The following PTAR1 variants were observed in gnomAD, a reference collection of about 807,000 sequenced individuals.
The protein encoded by PTAR1 is protein prenyltransferase alpha subunit repeat containing 1, also known as protein prenyltransferase alpha subunit repeat-containing protein 1.
A neutral mutation model predicts 45.5 loss-of-function variants in PTAR1; 17 were observed. The observed-to-expected ratio is 0.37, with a 90% CI of 0.26 to 0.56. The LOEUF is 0.56. Ranked by LOEUF, PTAR1 falls within the 20% of genes least tolerant of loss-of-function variation. PTAR1 has a pLI of 0.77. For missense variants in PTAR1, 391 were observed against 476.3 expected, an observed-to-expected ratio of 0.82 and a Z score of 1.67; for synonymous variants, 169 against 171.3, an observed-to-expected ratio of 0.99 and a Z score of 0.11.
chr9:69,732,197 T>C lies in PTAR1; in HGVS notation c.584A>G (p.Tyr195Cys), dbSNP rs1000736795. Residue 195 changes from tyrosine (Y) to cysteine (C), a missense_variant, in exon 5 of 8, where the codon TAT (tyrosine) becomes TGT (cysteine). By Grantham distance (194) the Tyr-to-Cys change is radical (BLOSUM62 -2). Transcript: ENST00000340434. ...GEAAGRYPSN[Y>C]NAWSHRIWVL... ...CCAGATGCGATGGGACCAAGCATTA[T>C]AGTTGCTTGGGTATCTCCCTGCTGC... 1.2e-6 allele frequency: 2 copies of C among 1,613,790 alleles called. No homozygotes were observed. Among genetic ancestry groups the C allele is most frequent in the South Asian group, 1.1e-5 (1 of 91,070 alleles).
intron 1 of PTAR1, among the ~76,000 whole-genome samples, chr9:69,752,128 T>C (rs1311865640): frequency 6.6e-6 from 1 of 152,098 alleles, no homozygotes; most frequent in Non-Finnish European, 1.5e-5. Flanking sequence ...TATAGATATT[T>C]TAAACATGTC....
At chr9:69,731,898 G>A (rs189360174) in intron 5 of PTAR1, 251 of 528,162 alleles carry the variant, frequency 4.8e-4, no homozygotes, top group Non-Finnish European at 7.2e-4. Context: ...TCCTCAGTTG[G>A]TTAAACCTGC....
rs1444121605 is a variant in PTAR1, at chr9:69,750,959, G to A, written c.87-9C>T. ...TCAGGCCAATTTCATCTCTTAATAT[G>A]TAAAACATAAAAAAGAATTAAAAAT... On this transcript the variant is annotated splice_polypyrimidine_tract_variant and intron_variant, in intron 1 of 7. Transcript: ENST00000340434. 1 of 1,523,218 alleles carries A rather than the reference G, an allele frequency of 6.6e-7. No homozygotes were observed. 94.4% of individuals were successfully genotyped at this position (1,523,218 alleles called of 1,614,324 possible). A position where few individuals can be genotyped will look rare whatever the true frequency, so the allele number is the denominator to read the frequency against.
intron 5 of PTAR1, among the ~76,000 whole-genome samples, chr9:69,724,032 T>C (rs1229361835): frequency 2.6e-5 from 4 of 152,226 alleles, no homozygotes; most frequent in Non-Finnish European, 1.5e-5. Flanking sequence ...ATATAAACTT[T>C]ATTTTACATT....
At chr9:69,739,024 T>C (rs1254280386) in intron 3 of PTAR1, among the ~76,000 whole-genome samples, 1 of 152,100 alleles carries the variant, frequency 6.6e-6, no homozygotes, top group African/African-American at 2.4e-5. Context: ...GCCAGGATGG[T>C]CTTGATCTCC....
chr9:69,721,046 A>G (rs1824977491), intron 6 of PTAR1, among the ~76,000 whole-genome samples: 2 of 152,228 alleles, frequency 1.3e-5, no homozygotes, highest in Admixed American at 1.3e-4. Flanking sequence ...TTGTTAAGAA[A>G]TACATTTCAT....
chr9:69,745,083 T>C (rs1826217619), intron 2 of PTAR1, among the ~76,000 whole-genome samples: 1 of 152,204 alleles, frequency 6.6e-6, no homozygotes, highest in Non-Finnish European at 1.5e-5. Flanking sequence ...ATGAAATTCA[T>C]TCCATTTCTC....
Position 69,756,420 on chromosome 9 carries a change from C to T in PTAR1, c.86+3433G>A, listed in dbSNP as rs75554496. ...GATTAAAGTTCCATTAGGATAGGGA[C>T]CATGTGTGGTTTGTTCATTAAACCA... On this transcript the variant is annotated intron_variant, in intron 1 of 7. Coordinates refer to ENST00000340434, the MANE Select transcript of PTAR1 (RefSeq NM_001099666.2). 4.6e-5 allele frequency among the ~76,000 whole-genome samples: 7 copies of T among 152,254 alleles called. No homozygotes were observed. In the East Asian group the frequency reaches 9.6e-4, roughly 21 times the overall value.
chr9:69,726,247 T>A (rs966520054), intron 5 of PTAR1, among the ~76,000 whole-genome samples: 1 of 152,166 alleles, frequency 6.6e-6, no homozygotes, highest in Non-Finnish European at 1.5e-5. Flanking sequence ...TTTCTATGTA[T>A]GCACATGCAC....
In PTAR1 at chr9:69,728,863, C is replaced by G. The variant is rs375993316; in HGVS notation, c.642+3276G>C. ...TCTTTATTCTTTAACCTTTTTCTGA[C>G]TAGAAAACAAATATATGCTTTTATA... On this transcript the variant is annotated intron_variant, in intron 5 of 7. Coordinates refer to ENST00000340434, the MANE Select transcript of PTAR1 (RefSeq NM_001099666.2). 3.9e-5 allele frequency among the ~76,000 whole-genome samples: 6 copies of G among 151,982 alleles called. No homozygotes were observed. In the East Asian group the frequency reaches 1.2e-3, roughly 29 times the overall value.
chr9:69,742,108 T>A (rs1345944430), intron 2 of PTAR1, among the ~76,000 whole-genome samples: 1 of 152,200 alleles, frequency 6.6e-6, no homozygotes, highest in Non-Finnish European at 1.5e-5. Context: ...CTATAAGGAA[T>A]AATCTAATTA....
intron 5 of PTAR1, among the ~76,000 whole-genome samples, chr9:69,727,715 CAATTTT>C (rs1186174645): frequency 6.6e-6 from 1 of 152,068 alleles, no homozygotes; most frequent in African/African-American, 2.4e-5. Flanking sequence ...AATAGCATCA[CAATTTT>C]AATTACTCTG....
Position 69,710,360 on chromosome 9 carries a change from TA to T in PTAR1, c.*7981del, listed in dbSNP as rs1006901932. Reference sequence around the variant, plus strand: ...TATACTGGGTTACATAAACTGTTATTAAAATTAATTTTGCTTGTTTCTTTTT... The same window carrying T: ...TATACTGGGTTACATAAACTGTTATTAAATTAATTTTGCTTGTTTCTTTTT... On this transcript the variant is annotated 3_prime_UTR_variant, in exon 8 of 8. Coordinates refer to ENST00000340434, the MANE Select transcript of PTAR1 (RefSeq NM_001099666.2). The T allele has an allele frequency of 1.3e-5, 2 of 152,178 alleles. No individual in the cohort carries two copies. Among genetic ancestry groups the T allele is most frequent in the African/African-American group, 4.8e-5 (2 of 41,448 alleles). 9.4% of individuals were successfully genotyped at this position (152,178 alleles called of 1,614,324 possible). A position where few individuals can be genotyped will look rare whatever the true frequency, so the allele number is the denominator to read the frequency against.
chr9:69,749,056 A>C lies in PTAR1; in HGVS notation c.256+1725T>G, dbSNP rs576114325. ...TAGATGCCAGCTATTCATGTGAGTGAGCTTAACCATTTAATATTCCGCAAG... is the reference window on the plus strand; with the variant it reads ...TAGATGCCAGCTATTCATGTGAGTGCGCTTAACCATTTAATATTCCGCAAG... On this transcript the variant is annotated intron_variant, in intron 2 of 7. Transcript: ENST00000340434. Among the ~76,000 whole-genome samples, 4 of 152,222 alleles carry C rather than the reference A, an allele frequency of 2.6e-5. No individual in the cohort carries two copies. The South Asian group carries it at 8.3e-4, about 32-fold the overall frequency.
At chr9:69,721,254 G>C (rs1432574079) in intron 6 of PTAR1, among the ~76,000 whole-genome samples, 1 of 152,178 alleles carries the variant, frequency 6.6e-6, no homozygotes, top group African/African-American at 2.4e-5. Context: ...AGGAGTTCAA[G>C]ACTTCAGTGT....
chr9:69,758,689 GT>G, intron 1 of PTAR1: 1 of 413,976 alleles, frequency 2.4e-6, no homozygotes, highest in Non-Finnish European at 5.0e-6. Context: ...CTTCTTAACT[GT>G]TTTACAATCA....
At chr9:69,725,897 A>T (rs1588449863) in intron 5 of PTAR1, among the ~76,000 whole-genome samples, 1 of 152,268 alleles carries the variant, frequency 6.6e-6, no homozygotes, top group East Asian at 1.9e-4. Context: ...TGACCTTCGT[A>T]TGATATACGT....
intron 5 of PTAR1, among the ~76,000 whole-genome samples, chr9:69,727,698 T>C (rs181276811): frequency 6.6e-6 from 1 of 152,316 alleles, no homozygotes; most frequent in Non-Finnish European, 1.5e-5. Flanking sequence ...ACTGAGTCTA[T>C]TTTTGAAATA....
intron 6 of PTAR1, among the ~76,000 whole-genome samples, chr9:69,721,617 G>A (rs1156911436): frequency 6.6e-6 from 1 of 152,108 alleles, no homozygotes; most frequent in Non-Finnish European, 1.5e-5. Context: ...TTCATGAAAG[G>A]AAGAGTCAAA....
Sources: gnomAD v4.1 joint callset for allele counts (sites outside exome capture counted in the v4.1 genomes callset) on GRCh38, gnomAD v4.1.1 for gene constraint, MANE v1.5 for transcripts, NCBI Gene and HGNC (gene_info 2026-07-23, HGNC 2026-07-21) for gene names.